RPS6KA4: variants seen among roughly 807,000 people sequenced by gnomAD.
RPS6KA4 encodes ribosomal protein S6 kinase alpha-4.
A neutral mutation model predicts 89.6 loss-of-function variants in RPS6KA4; 38 were observed. The ratio of observed to expected loss-of-function variants is 0.42; its 90% CI spans 0.33 to 0.56. The LOEUF is 0.56. Ranked by LOEUF, RPS6KA4 falls within the 20% of genes least tolerant of loss-of-function variation. The pLI is 0.07. For missense variants in RPS6KA4, 873 were observed against 1,098.8 expected, an observed-to-expected ratio of 0.79 and a Z score of 2.90; for synonymous variants, 495 against 492.8, an observed-to-expected ratio of 1.00 and a Z score of -0.06.
chr11:64,370,594 G>A lies in RPS6KA4; in HGVS notation c.1989G>A (p.Leu663=). 1.3e-6 allele frequency: 2 copies of A among 1,590,076 alleles called. No homozygotes were observed. The highest frequency in any genetic ancestry group is 1.7e-6 in the Non-Finnish European group (2 of 1,174,998). The change falls in exon 16 of 17, where the codon CTG becomes CTA. Residue 663 remains leucine (L), a synonymous_variant. Transcript: ENST00000334205. The surrounding 1 kb of genome is among the most constrained non-coding windows in gnomAD (Gnocchi z 4.1). ...GLLTVDPAKR[L]KLEGLRGSSW... is the part of the protein sequence containing the mutation. ...TGACCGTGGACCCCGCCAAGCGGCT[G>A]AAGCTCGAGGGACTGCGGGGCAGCT...
chr11:64,360,565 C>T lies in RPS6KA4; in HGVS notation c.435C>T (p.Ile145=), dbSNP rs769096899. 10 of 1,610,548 alleles carry T rather than the reference C, an allele frequency of 6.2e-6. No homozygotes were observed. The South Asian group carries it at 6.6e-5, about 11-fold the overall frequency. ...EAEVRVYGGE[I]VLALEHLHKL... ...AGGTGCGCGTGTATGGGGGTGAGAT[C>T]GTGCTGGCCCTGGAACACCTGCACA... is the stretch of plus-strand genomic sequence containing the variant. Residue 145 remains isoleucine, a synonymous_variant, in exon 4 of 17, where the codon ATC becomes ATT. Transcript: ENST00000334205.
chr11:64,370,563 G>A lies in RPS6KA4; in HGVS notation c.1958G>A (p.Gly653Glu). ...CCACACTTCCTTGCCCCGCCTCCAG[G>A]GCTCCTGACCGTGGACCCCGCCAAG... is the stretch of plus-strand genomic sequence containing the variant. ...VSEEAKELVR[G>E]LLTVDPAKRL... is the part of the protein sequence containing the mutation. The change falls in exon 16 of 17, where the codon GGG (glycine) becomes GAG (glutamate). Residue 653 changes from glycine (G) to glutamate (E), a missense_variant and splice_region_variant. This residue lies in a region of RPS6KA4 where 278 missense variants were observed against 284.8 expected (regional missense o/e 0.98). Coordinates refer to ENST00000334205, the MANE Select transcript of RPS6KA4 (RefSeq NM_003942.3). The surrounding 1 kb of genome is among the most constrained non-coding windows in gnomAD (Gnocchi z 4.1). The A allele has an allele frequency of 6.3e-7, 1 of 1,593,344 alleles. No homozygotes were observed. The highest frequency in any genetic ancestry group is 2.2e-5 in the East Asian group (1 of 44,486).
Position 64,370,559 on chromosome 11 carries a change from C to A in RPS6KA4, c.1958-4C>A. On this transcript the variant is annotated splice_polypyrimidine_tract_variant and splice_region_variant and intron_variant, in intron 15 of 16. Transcript: ENST00000334205. The surrounding 1 kb of genome is among the most constrained non-coding windows in gnomAD (Gnocchi z 4.1). ...CTCCCCACACTTCCTTGCCCCGCCT[C>A]CAGGGCTCCTGACCGTGGACCCCGC... 6.3e-7 allele frequency: 1 copy of A among 1,593,090 alleles called. No individual in the cohort carries two copies. Among genetic ancestry groups the A allele is most frequent in the South Asian group, 1.1e-5 (1 of 89,664 alleles).
At chr11:64,359,527 G>C in intron 2 of RPS6KA4, 78 bp downstream of exon 2, 1 of 1,486,998 alleles carries the variant, frequency 6.7e-7, no homozygotes, top group Non-Finnish European at 9.3e-7. Context: ...TTGGGCCTGG[G>C]CCAGGCCACT....
In RPS6KA4 at chr11:64,370,712, A is replaced by C; in HGVS notation, c.2107A>C (p.Asn703His). ...SSGPAVRSGL[N>H]ATFMAFNRGK... is the part of the protein sequence containing the mutation. ...TGGGCCCGCAGTGCGCTCGGGTCTC[A>C]ACGCCACCTTCATGGTAAGGGGCAG... Residue 703 changes from asparagine to histidine, a missense_variant, in exon 16 of 17, where the codon AAC becomes CAC. This residue lies in a region of RPS6KA4 where 278 missense variants were observed against 284.8 expected (regional missense o/e 0.98). Coordinates refer to ENST00000334205, the MANE Select transcript of RPS6KA4 (RefSeq NM_003942.3). This position sits in a 1 kb window ranked among gnomAD's most constrained non-coding sequence, Gnocchi z 4.1. 2 of 1,556,694 alleles carry C rather than the reference A, an allele frequency of 1.3e-6. No homozygotes were observed. The highest frequency in any genetic ancestry group is 1.7e-6 in the Non-Finnish European group (2 of 1,154,566).
At chr11:64,359,897 C>T in intron 2 of RPS6KA4, 1 of 574,124 alleles carries the variant, frequency 1.7e-6, no homozygotes, top group Non-Finnish European at 3.1e-6. Flanking sequence ...GCATATGCCC[C>T]GCCCCCATGC....
rs554467937 is a variant in RPS6KA4, at chr11:64,360,406, G to A, written c.346+25G>A. 772 of 1,561,076 alleles carry A rather than the reference G, an allele frequency of 4.9e-4. 5 individuals carry two copies. Among genetic ancestry groups the A allele is most frequent in the South Asian group, 4.8e-3 (406 of 84,974 alleles). Reference sequence around the variant, plus strand: ...GGTGAGCGCACACCACATCCCAACGGGGTTGGGGTGGCTGGGGGCAGGCGA... The same window carrying A: ...GGTGAGCGCACACCACATCCCAACGAGGTTGGGGTGGCTGGGGGCAGGCGA... On this transcript the variant is annotated intron_variant, in intron 3 of 16. Coordinates refer to ENST00000334205, the MANE Select transcript of RPS6KA4 (RefSeq NM_003942.3).
intron 8 of RPS6KA4, 35 bp downstream of exon 8, chr11:64,362,037 C>A: frequency 6.3e-7 from 1 of 1,578,638 alleles, no homozygotes; most frequent in Non-Finnish European, 8.6e-7. Flanking sequence ...CCTCCTGGTG[C>A]ATACCCAGGT....
Position 64,370,941 on chromosome 11 carries a change from T to C in RPS6KA4, c.2121+215T>C, listed in dbSNP as rs1367205746. Among the ~76,000 whole-genome samples, 1 of 151,728 alleles carries C rather than the reference T, an allele frequency of 6.6e-6. No individual in the cohort carries two copies. The highest frequency in any genetic ancestry group is 1.5e-5 in the Non-Finnish European group (1 of 67,898). On this transcript the variant is annotated intron_variant, in intron 16 of 16. Transcript: ENST00000334205. This position sits in a 1 kb window ranked among gnomAD's most constrained non-coding sequence, Gnocchi z 4.1. ...CAACATGGTGAAACCCCGTCTCTTC[T>C]AAAAAGAGAAAAATTAGCCGGGTGT... is the stretch of plus-strand genomic sequence containing the variant.
In RPS6KA4 at chr11:64,369,368, G is replaced by A. The variant is rs2036986727; in HGVS notation, c.1429-78G>A. 25 of 1,436,236 alleles carry A rather than the reference G, an allele frequency of 1.7e-5. No individual in the cohort carries two copies. In the South Asian group the frequency reaches 2.5e-4, roughly 14 times the overall value. The allele number at this position is 1,436,236 out of a possible 1,614,324, so 89.0% of individuals were successfully genotyped here. A position where few individuals can be genotyped will look rare whatever the true frequency, so the allele number is the denominator to read the frequency against. Reference sequence around the variant, plus strand: ...CGAACATTGGCAGGGCCCGAAGGCCGGGGGCGGGGCCTGGGTGGTGGGAGG... The same window carrying A: ...CGAACATTGGCAGGGCCCGAAGGCCAGGGGCGGGGCCTGGGTGGTGGGAGG... On this transcript the variant is annotated intron_variant, in intron 12 of 16. Coordinates refer to ENST00000334205, the MANE Select transcript of RPS6KA4 (RefSeq NM_003942.3).
In RPS6KA4 at chr11:64,369,525, A is replaced by C. The variant is rs2036995082; in HGVS notation, c.1508A>C (p.Glu503Ala). 1.2e-6 allele frequency: 2 copies of C among 1,609,166 alleles called. No individual in the cohort carries two copies. The highest frequency in any genetic ancestry group is 1.7e-6 in the Non-Finnish European group (2 of 1,178,606). Residue 503 changes from glutamate to alanine, a missense_variant, in exon 13 of 17, where the codon GAG becomes GCG. By Grantham distance (107) the Glu-to-Ala change is moderately radical. This residue lies in a region of RPS6KA4 where 542 missense variants were observed against 736.4 expected (regional missense o/e 0.74). Transcript: ENST00000334205. ...ATCCGCAAGAAGCGGCACTTCAGCG[A>C]GTCGGAAGCAAGCCAGATCCTGCGC... ...EHIRKKRHFS[E>A]SEASQILRSL... is the part of the protein sequence containing the mutation.
rs2037048211 is a variant in RPS6KA4, at chr11:64,370,848, G to A, written c.2121+122G>A. 7.9e-7 allele frequency: 1 copy of A among 1,260,110 alleles called. No individual in the cohort carries two copies. Among genetic ancestry groups the A allele is most frequent in the Non-Finnish European group, 1.1e-6 (1 of 942,002 alleles). 78.1% of individuals were successfully genotyped at this position (1,260,110 alleles called of 1,614,324 possible). ...AGGCCGGGCGCGGTGGCTCACGCCT[G>A]TAATCCCAGCGCTTTGGGAGGCCGA... is the stretch of plus-strand genomic sequence containing the variant. On this transcript the variant is annotated intron_variant, in intron 16 of 16. Coordinates refer to ENST00000334205, the MANE Select transcript of RPS6KA4 (RefSeq NM_003942.3). The surrounding 1 kb of genome is among the most constrained non-coding windows in gnomAD (Gnocchi z 4.1).
At position 64,371,386 on chromosome 11, in the gene RPS6KA4, G is replaced by C; in HGVS notation, c.2225G>C (p.Arg742Pro). Residue 742 changes from arginine (R) to proline (P), a missense_variant, in exon 17 of 17, where the codon CGC becomes CCC. Physicochemically the swap from Arg to Pro is moderately radical, Grantham distance 103. This residue lies in a region of RPS6KA4 where 278 missense variants were observed against 284.8 expected (regional missense o/e 0.98). Transcript: ENST00000334205. The part of the protein sequence containing the change: ...KQKLRSATAS[R>P]RGSPAPANPG... The stretch of plus-strand genomic sequence containing the variant: ...AAGCTGCGGAGCGCCACCGCCTCCC[G>C]CCGGGGCTCCCCTGCACCAGCCAAC... 1 of 1,612,032 alleles carries C rather than the reference G, an allele frequency of 6.2e-7. No homozygotes were observed. Among genetic ancestry groups the C allele is most frequent in the Non-Finnish European group, 8.5e-7 (1 of 1,179,594 alleles).
chr11:64,365,847 T>G (rs1447666225), intron 9 of RPS6KA4, among the ~76,000 whole-genome samples: 1 of 152,148 alleles, frequency 6.6e-6, no homozygotes, highest in Non-Finnish European at 1.5e-5. Context: ...GAGACCAGCC[T>G]GGCCAACATG....
Position 64,371,719 on chromosome 11 carries a change from T to G in RPS6KA4, c.*239T>G. On this transcript the variant is annotated 3_prime_UTR_variant, in exon 17 of 17. Coordinates refer to ENST00000334205, the MANE Select transcript of RPS6KA4 (RefSeq NM_003942.3). ...GGGGAGTGGGGTTTGGGGGGCCCTC[T>G]CCCAGGACACTGCCTCTTCTGGGCA... 1 of 436,312 alleles carries G rather than the reference T, an allele frequency of 2.3e-6. No homozygotes were observed. Among genetic ancestry groups the G allele is most frequent in the Non-Finnish European group, 4.1e-6 (1 of 244,790 alleles). The allele number at this position is 436,312 out of a possible 1,614,324, so 27.0% of individuals were successfully genotyped here. A position where few individuals can be genotyped will look rare whatever the true frequency, so the allele number is the denominator to read the frequency against.
At position 64,370,713 on chromosome 11, in the gene RPS6KA4, A is replaced by G; in HGVS notation, c.2108A>G (p.Asn703Ser). 6.4e-7 allele frequency: 1 copy of G among 1,556,196 alleles called. No homozygotes were observed. The highest frequency in any genetic ancestry group is 8.7e-7 in the Non-Finnish European group (1 of 1,154,140). The change falls in exon 16 of 17, where the codon AAC (asparagine) becomes AGC (serine). Residue 703 changes from asparagine to serine, a missense_variant. Coordinates refer to ENST00000334205, the MANE Select transcript of RPS6KA4 (RefSeq NM_003942.3). This position sits in a 1 kb window ranked among gnomAD's most constrained non-coding sequence, Gnocchi z 4.1. ...GGGCCCGCAGTGCGCTCGGGTCTCA[A>G]CGCCACCTTCATGGTAAGGGGCAGG... Reference protein sequence around the residue: ...SSGPAVRSGLNATFMAFNRGK... With the variant: ...SSGPAVRSGLSATFMAFNRGK...
intron 16 of RPS6KA4, among the ~76,000 whole-genome samples, 173 bp from the exon 17 acceptor site, chr11:64,371,101 CAAAAAAAAA>C (rs374004148): frequency 0.013 from 1,130 of 88,790 alleles, 11 homozygotes; most frequent in Non-Finnish European, 0.015. Flanking sequence ...GAGACTCCGT[CAAAAAAAAA>C]AAAAAAAAAA....
At chr11:64,369,030 G>A (rs1200490745) in intron 12 of RPS6KA4, among the ~76,000 whole-genome samples, 2 of 152,148 alleles carry the variant, frequency 1.3e-5, no homozygotes, top group Non-Finnish European at 2.9e-5. Flanking sequence ...GATGGCTCAC[G>A]CCTGTGATCC....
chr11:64,366,438 G>A (rs1252755662), intron 9 of RPS6KA4, among the ~76,000 whole-genome samples: 1 of 152,092 alleles, frequency 6.6e-6, no homozygotes, highest in African/African-American at 2.4e-5. Flanking sequence ...CAAAGTGCTG[G>A]GATTAGAGGC....
Sources: allele counts gnomAD v4.1 joint callset (sites outside exome capture counted in the v4.1 genomes callset), GRCh38; gene constraint gnomAD v4.1.1; regional missense constraint gnomAD v4.1.1; non-coding constraint Gnocchi (gnomAD v3.1); transcripts MANE v1.5; gene names NCBI Gene and HGNC (gene_info 2026-07-23, HGNC 2026-07-21).